The following THSD7B variants were observed in gnomAD, a reference collection of about 807,000 sequenced individuals.
THSD7B encodes the protein thrombospondin type-1 domain-containing protein 7B.
Under a neutral mutation model 213.6 loss-of-function variants are expected in THSD7B, and 138 were observed. That is an observed-to-expected ratio of 0.65 (90% CI 0.56 to 0.74). The LOEUF (loss-of-function observed/expected upper bound fraction) is 0.74, where lower values mean the gene tolerates loss of function less well. THSD7B is among the 30% of genes least tolerant of loss of function. The probability of loss-of-function intolerance (pLI) is 0.00; values close to 1 mark genes in which losing one functional copy is unlikely to be tolerated. For missense variants in THSD7B, 1,931 were observed against 1,991.5 expected, an observed-to-expected ratio of 0.97 and a Z score of 0.58; for synonymous variants, 742 against 687.0, an observed-to-expected ratio of 1.08 and a Z score of -1.25.
intron 2 of THSD7B, among the ~76,000 whole-genome samples, chr2:136,915,908 T>TC (rs1218259815): frequency 5.3e-5 from 8 of 152,334 alleles, no homozygotes; most frequent in East Asian, 1.9e-4. Context: ...AAGTTTCAGG[T>TC]CTGTAAGTTT....
intron 7 of THSD7B, among the ~76,000 whole-genome samples, chr2:137,195,002 C>T (rs1195834432): frequency 2.6e-5 from 4 of 151,912 alleles, no homozygotes; most frequent in Non-Finnish European, 5.9e-5. Flanking sequence ...TTAGTGAAGC[C>T]ACCTTTAGTG....
At position 137,558,307 on chromosome 2, in the gene THSD7B, A is replaced by G. The variant is rs1419331287; in HGVS notation, c.3139-4914A>G. Among the ~76,000 whole-genome samples the G allele has an allele frequency of 3.9e-5, 6 of 152,204 alleles. No individual in the cohort carries two copies. In the East Asian group the frequency reaches 1.2e-3, roughly 29 times the overall value. On this transcript the variant is annotated intron_variant, in intron 15 of 27. Transcript: ENST00000409968. ...ATCCCTGATGAACATCGATGCAAAA[A>G]TCCTTAATAAAATACTGGCAAACTG...
intron 2 of THSD7B, among the ~76,000 whole-genome samples, chr2:136,902,494 T>C (rs1340501668): frequency 6.6e-6 from 1 of 152,168 alleles, no homozygotes; most frequent in African/African-American, 2.4e-5. Flanking sequence ...GCAGCAGAGA[T>C]GGAACTGGGC....
chr2:137,622,554 A>G (rs1418592101), intron 20 of THSD7B, among the ~76,000 whole-genome samples: 1 of 152,146 alleles, frequency 6.6e-6, no homozygotes, highest in Admixed American at 6.5e-5. Context: ...GTTTTTTGAA[A>G]AGATCAACAA....
chr2:137,270,351 G>A (rs376856759), intron 10 of THSD7B, among the ~76,000 whole-genome samples: 11 of 152,230 alleles, frequency 7.2e-5, no homozygotes, highest in African/African-American at 2.6e-4. Flanking sequence ...AACAAAGAGG[G>A]AATCTAGGGG....
intron 17 of THSD7B, among the ~76,000 whole-genome samples, chr2:137,587,235 G>A (rs943940842): frequency 5.9e-5 from 9 of 152,068 alleles, no homozygotes; most frequent in Admixed American, 3.9e-4. Flanking sequence ...TTAGCCATTC[G>A]TCTAATCTTT....
rs1681026393 is a variant in THSD7B, at chr2:137,208,210, T to C, written c.1724-22834T>C. ...TATGTGATTAACTTCTTTTAACCTA[T>C]AACTAAGGTCTGAGTCCTGAAGACC... On this transcript the variant is annotated intron_variant, in intron 7 of 27. Coordinates refer to ENST00000409968, the MANE Select transcript of THSD7B (RefSeq NM_001316349.2). 2.6e-5 allele frequency among the ~76,000 whole-genome samples: 4 copies of C among 152,154 alleles called. No individual in the cohort carries two copies. In the South Asian group the frequency reaches 8.3e-4, roughly 32 times the overall value.
chr2:137,393,868 T>C (rs1196746366), intron 12 of THSD7B, among the ~76,000 whole-genome samples: 1 of 141,308 alleles, frequency 7.1e-6, no homozygotes, highest in Non-Finnish European at 1.6e-5. Flanking sequence ...TGGTGTGAGA[T>C]GGTATCTCAT....
chr2:137,245,723 A>C (rs563587013), intron 10 of THSD7B, among the ~76,000 whole-genome samples: 78 of 152,318 alleles, frequency 5.1e-4, no homozygotes, highest in African/African-American at 1.8e-3. Flanking sequence ...GTTGCTACTC[A>C]GTGCATATAT....
At chr2:136,770,627 C>A (rs563680124) in intron 1 of THSD7B, among the ~76,000 whole-genome samples, 1 of 152,266 alleles carries the variant, frequency 6.6e-6, no homozygotes, top group East Asian at 1.9e-4. Context: ...GGACACACTC[C>A]AGTGATATTA....
chr2:136,826,568 T>C (rs1682649680), intron 1 of THSD7B, among the ~76,000 whole-genome samples: 1 of 152,216 alleles, frequency 6.6e-6, no homozygotes, highest in South Asian at 2.1e-4. Flanking sequence ...CCAAGTCACA[T>C]TGTCCCATCT....
chr2:136,990,195 A>C (rs1685750781), intron 2 of THSD7B, among the ~76,000 whole-genome samples: 1 of 152,178 alleles, frequency 6.6e-6, no homozygotes, highest in Non-Finnish European at 1.5e-5. Flanking sequence ...AGCCCAGAGT[A>C]GAACTTAGAA....
intron 2 of THSD7B, among the ~76,000 whole-genome samples, chr2:136,922,126 C>A (rs1684447115): frequency 6.6e-6 from 1 of 152,216 alleles, no homozygotes; most frequent in Non-Finnish European, 1.5e-5. Context: ...TGGATATGAG[C>A]AAACAAGTCC....
At chr2:137,168,710 A>C (rs527342217) in intron 6 of THSD7B, among the ~76,000 whole-genome samples, 1 of 152,348 alleles carries the variant, frequency 6.6e-6, no homozygotes, top group East Asian at 1.9e-4. Context: ...GCTAGTTGTC[A>C]AACAGTGTAA....
chr2:137,359,510 G>C (rs559399616), intron 12 of THSD7B, among the ~76,000 whole-genome samples: 19 of 152,156 alleles, frequency 1.2e-4, no homozygotes, highest in Non-Finnish European at 2.2e-4. Context: ...TACCAAGAGG[G>C]GTATGGGGTG....
rs1302609456 is a variant in THSD7B at position 137,397,325 on chromosome 2, G to A, written c.2501-8288G>A. On this transcript the variant is annotated intron_variant, in intron 12 of 27. Transcript: ENST00000409968. ...TACCGGTTGTTCCTTTCCATGTTTA[G>A]CGCTTCCTTCAGGAGCTCTTTTAGG... Among the ~76,000 whole-genome samples the A allele has an allele frequency of 1.2e-3, 187 of 152,206 alleles. 1 individual carries two copies. Among genetic ancestry groups the A allele is most frequent in the African/African-American group, 4.1e-3 (172 of 41,520 alleles).
rs11902956 is a variant in THSD7B at position 137,291,390 on chromosome 2, G to A, written c.2500+15364G>A. 5.1e-3 allele frequency among the ~76,000 whole-genome samples: 772 copies of A among 151,930 alleles called. 4 individuals are homozygous for A. Among genetic ancestry groups the A allele is most frequent in the African/African-American group, 0.018 (725 of 41,426 alleles). ...AAAATGCAGAAAATGTACCTTATTC[G>A]TCTTTATATCCCCAGTGCCCCAAAT... On this transcript the variant is annotated intron_variant, in intron 12 of 27. Transcript: ENST00000409968.
chr2:137,056,973 C>T lies in THSD7B; in HGVS notation c.693C>T (p.Ser231=). The change falls in exon 3 of 28, where the codon TCC becomes TCT. Residue 231 remains serine, a synonymous_variant. Transcript: ENST00000409968. ...TESRACDAPI[S]CPLGEEEYTF... ...CAAGAGCCTGTGATGCTCCCATTTC[C>T]TGTCCTCTTGGGGAAGAGGAATATA... 1 of 1,613,968 alleles carries T rather than the reference C, an allele frequency of 6.2e-7. No individual in the cohort carries two copies. The highest frequency in any genetic ancestry group is 8.5e-7 in the Non-Finnish European group (1 of 1,179,882).
chr2:137,484,153 A>G (rs1688371877), intron 15 of THSD7B, among the ~76,000 whole-genome samples: 1 of 147,256 alleles, frequency 6.8e-6, no homozygotes, highest in Non-Finnish European at 1.5e-5. Context: ...TATATCTCCT[A>G]AAGCTATCCC....
Sources: gnomAD v4.1 joint callset for allele counts (sites outside exome capture counted in the v4.1 genomes callset) on GRCh38, gnomAD v4.1.1 for gene constraint, MANE v1.5 for transcripts, NCBI Gene and HGNC (gene_info 2026-07-23, HGNC 2026-07-21) for gene names.